The following RAI1 variants were observed in gnomAD, a reference collection of about 807,000 sequenced individuals.
The protein encoded by RAI1 is retinoic acid induced 1.
Under a neutral mutation model 123.8 loss-of-function variants are expected in RAI1, and 9 were observed. The ratio of observed to expected loss-of-function variants is 0.07; its 90% CI spans 0.04 to 0.13. RAI1 has a LOEUF of 0.13. Among genes scored for constraint, RAI1 ranks in the 10% least tolerant of loss-of-function variants. RAI1 has a pLI of 1.00. For synonymous variants in RAI1, 1,231 were observed against 1,127.3 expected, an observed-to-expected ratio of 1.09 and a Z score of -1.84; for missense variants, 2,256 against 2,545.8, an observed-to-expected ratio of 0.89 and a Z score of 2.45.
In RAI1 at chr17:17,794,898, G is replaced by A. The variant is rs779804220; in HGVS notation, c.1950G>A (p.Leu650=). 1 of 1,613,552 alleles carries A rather than the reference G, an allele frequency of 6.2e-7. No individual in the cohort carries two copies. The change falls in exon 3 of 6, where the codon CTG becomes CTA. Residue 650 remains leucine, a synonymous_variant. Coordinates refer to ENST00000353383, the MANE Select transcript of RAI1 (RefSeq NM_030665.4). ...PFSLENHSAC[L]DSVAKSAWPR... Reference sequence around the variant, plus strand: ...CGCTGGAGAACCACAGCGCCTGCCTGGACTCTGTGGCCAAGAGTGCGTGGC... The same window carrying A: ...CGCTGGAGAACCACAGCGCCTGCCTAGACTCTGTGGCCAAGAGTGCGTGGC...
Position 17,796,080 on chromosome 17 carries a change from A to C in RAI1, c.3132A>C (p.Pro1044=). ...PQGQMEGAGA[P]GRGASEGLPR... Reference sequence around the variant, plus strand: ...GACAGATGGAAGGGGCTGGAGCCCCAGGCCGGGGGGCCTCGGAAGGGCTCC... The same window carrying C: ...GACAGATGGAAGGGGCTGGAGCCCCCGGCCGGGGGGCCTCGGAAGGGCTCC... Residue 1044 remains proline (P), a synonymous_variant, in exon 3 of 6, where the codon CCA becomes CCC. Transcript: ENST00000353383. The surrounding 1 kb of genome is among the most constrained non-coding windows in gnomAD (Gnocchi z 5.8). 2 of 1,581,152 alleles carry C rather than the reference A, an allele frequency of 1.3e-6. No individual in the cohort carries two copies. Among genetic ancestry groups the C allele is most frequent in the East Asian group, 4.6e-5 (2 of 43,284 alleles).
intron 2 of RAI1, among the ~76,000 whole-genome samples, chr17:17,758,481 T>C (rs968107752): frequency 6.6e-6 from 1 of 152,198 alleles, no homozygotes; most frequent in African/African-American, 2.4e-5. Flanking sequence ...CTGCCCTGGT[T>C]AGAGGAAGCT....
At chr17:17,696,568 A>G (rs1267053655) in intron 1 of RAI1, among the ~76,000 whole-genome samples, 1 of 152,176 alleles carries the variant, frequency 6.6e-6, no homozygotes, top group African/African-American at 2.4e-5. Flanking sequence ...TGAGGCAGAC[A>G]TTTCTGGGGG....
intron 2 of RAI1, among the ~76,000 whole-genome samples, chr17:17,780,096 T>A (rs1326448649): frequency 3.1e-5 from 1 of 31,776 alleles, no homozygotes; most frequent in East Asian, 2.0e-3. Flanking sequence ...ACAAGAGTTT[T>A]ACTCTTGTCC....
In RAI1 at chr17:17,794,189, G is replaced by T. The variant is rs1252947504; in HGVS notation, c.1241G>T (p.Cys414Phe). 6.2e-7 allele frequency: 1 copy of T among 1,613,622 alleles called. No individual in the cohort carries two copies. Among genetic ancestry groups the T allele is most frequent in the Non-Finnish European group, 8.5e-7 (1 of 1,180,048 alleles). ...TSSVDTQAGNCKPLQKDKLPE... is the reference protein window; with the variant it reads ...TSSVDTQAGNFKPLQKDKLPE... ...TCTGTGGACACCCAGGCTGGCAACTGCAAGCCCCTTCAGAAGGACAAGCTC... is the reference window on the plus strand; with the variant it reads ...TCTGTGGACACCCAGGCTGGCAACTTCAAGCCCCTTCAGAAGGACAAGCTC... The change falls in exon 3 of 6, where the codon TGC (cysteine) becomes TTC (phenylalanine). Residue 414 changes from cysteine (C) to phenylalanine (F), a missense_variant. By Grantham distance (205) the Cys-to-Phe change is radical. This residue lies in a region of RAI1 where 357 missense variants were observed against 480.2 expected (regional missense o/e 0.74). Coordinates refer to ENST00000353383, the MANE Select transcript of RAI1 (RefSeq NM_030665.4).
intron 2 of RAI1, among the ~76,000 whole-genome samples, chr17:17,745,797 C>T (rs1051614518): frequency 2.0e-5 from 3 of 152,186 alleles, no homozygotes; most frequent in Non-Finnish European, 2.9e-5. Context: ...AGGGTGTACC[C>T]GGGGGGCTTG....
intron 2 of RAI1, among the ~76,000 whole-genome samples, chr17:17,752,230 G>A (rs2030208861): frequency 1.3e-5 from 2 of 152,280 alleles, no homozygotes; most frequent in Admixed American, 1.3e-4. Context: ...AGGTAGCCAT[G>A]GTGACAGCGC....
At chr17:17,723,342 C>A (rs541942862) in intron 1 of RAI1, among the ~76,000 whole-genome samples, 3 of 25,040 alleles carry the variant, frequency 1.2e-4, no homozygotes, top group African/African-American at 8.4e-4. Context: ...TATCCAGACC[C>A]CCCCCCCCAA....
At chr17:17,706,404 G>A (rs1915396344) in intron 1 of RAI1, among the ~76,000 whole-genome samples, 1 of 152,220 alleles carries the variant, frequency 6.6e-6, no homozygotes, top group South Asian at 2.1e-4. Flanking sequence ...ATGCATAGGT[G>A]AAACAAGAGG....
chr17:17,744,547 C>T (rs1916749800), intron 2 of RAI1, among the ~76,000 whole-genome samples: 1 of 152,142 alleles, frequency 6.6e-6, no homozygotes, highest in African/African-American at 2.4e-5. Context: ...AATTCCAGCA[C>T]TTTGGGAGGC....
intron 2 of RAI1, among the ~76,000 whole-genome samples, chr17:17,745,111 C>T (rs901184959): frequency 2.6e-5 from 4 of 152,108 alleles, no homozygotes; most frequent in Non-Finnish European, 5.9e-5. Context: ...AAGGAGGGAA[C>T]TAACTGTGGG....
intron 2 of RAI1, among the ~76,000 whole-genome samples, chr17:17,770,335 A>C (rs2031104105): frequency 1.3e-5 from 2 of 152,106 alleles, no homozygotes; most frequent in Non-Finnish European, 2.9e-5. Flanking sequence ...ATAAAACCAG[A>C]GAATTATGGG....
intron 2 of RAI1, among the ~76,000 whole-genome samples, chr17:17,791,484 TGTC>T (rs1290884843): frequency 3.3e-5 from 5 of 152,132 alleles, no homozygotes; most frequent in Non-Finnish European, 2.9e-5. Context: ...CCCCTCTCTT[TGTC>T]CCTTCCTGAC....
At position 17,793,299 on chromosome 17, in the gene RAI1, C is replaced by A. The variant is rs781131634; in HGVS notation, c.351C>A (p.Ser117Arg). 6.2e-7 allele frequency: 1 copy of A among 1,612,372 alleles called. No individual in the cohort carries two copies. Among genetic ancestry groups the A allele is most frequent in the African/African-American group, 1.3e-5 (1 of 74,920 alleles). Residue 117 changes from serine (S) to arginine (R), a missense_variant, in exon 3 of 6, where the codon AGC becomes AGA. Around this residue, in one of 7 missense-constraint regions of RAI1, gnomAD observed 336 missense variants for 349.8 expected, o/e 0.96. Coordinates refer to ENST00000353383, the MANE Select transcript of RAI1 (RefSeq NM_030665.4). ...CAGGCCGCTATGCTGGTGAGGAGAG[C>A]CTTCAGGCTTGGGGGGCCCCACAGC... ...PYPGRYAGEE[S>R]LQAWGAPQPP... is the part of the protein sequence containing the mutation.
chr17:17,751,490 G>A (rs574589747), intron 2 of RAI1, among the ~76,000 whole-genome samples: 36 of 152,324 alleles, frequency 2.4e-4, no homozygotes, highest in Admixed American at 4.6e-4. Flanking sequence ...CCCCTTGTCC[G>A]TAGAGAAGGA....
intron 4 of RAI1, among the ~76,000 whole-genome samples, chr17:17,804,301 A>G (rs2032555079): frequency 3.9e-5 from 6 of 152,200 alleles, no homozygotes; most frequent in Admixed American, 2.6e-4. Context: ...AAACAGACTG[A>G]GACCCATGGA....
chr17:17,729,004 G>T (rs1404498167), intron 2 of RAI1, among the ~76,000 whole-genome samples: 1 of 152,206 alleles, frequency 6.6e-6, no homozygotes, highest in African/African-American at 2.4e-5. Flanking sequence ...GGGCGGCTGT[G>T]ATGTCCATTC....
At chr17:17,734,880 C>T (rs1488846497) in intron 2 of RAI1, among the ~76,000 whole-genome samples, 2 of 152,184 alleles carry the variant, frequency 1.3e-5, no homozygotes, top group Non-Finnish European at 2.9e-5. Flanking sequence ...ATTTCCAGGC[C>T]CCATTCCCCA....
At chr17:17,736,150 G>A (rs1212531019) in intron 2 of RAI1, among the ~76,000 whole-genome samples, 2 of 152,202 alleles carry the variant, frequency 1.3e-5, no homozygotes, top group Non-Finnish European at 2.9e-5. Flanking sequence ...GGTATTGACT[G>A]TGAACTGTGA....
Sources: gnomAD v4.1 joint callset for allele counts (sites outside exome capture counted in the v4.1 genomes callset) on GRCh38, gnomAD v4.1.1 for gene constraint, gnomAD v4.1.1 regional missense constraint, Gnocchi (gnomAD v3.1) non-coding constraint, MANE v1.5 for transcripts, NCBI Gene and HGNC (gene_info 2026-07-23, HGNC 2026-07-21) for gene names.